Variants in BRD4 observed in about 807,000 individuals in gnomAD.
BRD4 encodes the protein bromodomain-containing protein 4.
In BRD4, 16 loss-of-function variants were observed where a neutral mutation model predicts 142.1. That is an observed-to-expected ratio of 0.11 (90% CI 0.08 to 0.17). The LOEUF (loss-of-function observed/expected upper bound fraction) is 0.17, where lower values mean the gene tolerates loss of function less well. BRD4 is among the 10% of genes least tolerant of loss of function. BRD4 has a pLI of 1.00. For missense variants in BRD4, 1,424 were observed against 1,810.9 expected (o/e 0.79, Z 3.88); for synonymous variants, 833 against 707.5 (o/e 1.18, Z -2.82).
chr19:15,246,191 G>C (rs2047284508), intron 11 of BRD4, among the ~76,000 whole-genome samples: 1 of 152,240 alleles, frequency 6.6e-6, no homozygotes, highest in Non-Finnish European at 1.5e-5. Flanking sequence ...TCTGATGAGA[G>C]AGATACTGTT....
intron 1 of BRD4, among the ~76,000 whole-genome samples, chr19:15,288,656 A>G (rs1467958689): frequency 6.6e-6 from 1 of 152,236 alleles, no homozygotes; most frequent in Non-Finnish European, 1.5e-5. Context: ...AGCTGGTGCT[A>G]CACAGGCTGG....
chr19:15,260,921 G>T (rs753973465), intron 7 of BRD4, among the ~76,000 whole-genome samples: 2 of 152,026 alleles, frequency 1.3e-5, no homozygotes, highest in Non-Finnish European at 1.5e-5. Flanking sequence ...AGGAAGGAAG[G>T]GCTAGAACAC....
At chr19:15,253,847 C>A in intron 11 of BRD4, 1 of 1,363,248 alleles carries the variant, frequency 7.3e-7, no homozygotes, top group Non-Finnish European at 1.0e-6. Flanking sequence ...GTCCTCATGG[C>A]CCAGCTTCCC....
At chr19:15,274,202 C>G (rs1001541926) in intron 1 of BRD4, among the ~76,000 whole-genome samples, 7 of 152,198 alleles carry the variant, frequency 4.6e-5, no homozygotes, top group African/African-American at 1.7e-4. Flanking sequence ...AGATAGATTA[C>G]AGGACACACC....
At chr19:15,294,847 A>T (rs1301739090) in intron 1 of BRD4, among the ~76,000 whole-genome samples, 4 of 152,212 alleles carry the variant, frequency 2.6e-5, no homozygotes, top group Non-Finnish European at 5.9e-5. Flanking sequence ...GCAGTGAAGT[A>T]GCAGGCAGTC....
At chr19:15,329,962 T>C (rs1051408436) in intron 1 of BRD4, among the ~76,000 whole-genome samples, 1 of 152,240 alleles carries the variant, frequency 6.6e-6, no homozygotes, top group Non-Finnish European at 1.5e-5. Flanking sequence ...GAAATGTTAC[T>C]AAGTGGCCAA....
At chr19:15,329,207 A>G (rs891503241) in intron 1 of BRD4, among the ~76,000 whole-genome samples, 1 of 152,054 alleles carries the variant, frequency 6.6e-6, no homozygotes, top group Non-Finnish European at 1.5e-5. Context: ...TTTTCTAGAC[A>G]CCAAAAATCA....
intron 14 of BRD4, among the ~76,000 whole-genome samples, chr19:15,242,061 G>A (rs1214085444): frequency 6.6e-6 from 1 of 152,140 alleles, no homozygotes; most frequent in Non-Finnish European, 1.5e-5. Flanking sequence ...TGATCCACCT[G>A]CCTTGGCCTC....
At chr19:15,263,230 CTGCTT>C (rs1305086813) in intron 7 of BRD4, among the ~76,000 whole-genome samples, 185 bp downstream of exon 7, 1 of 152,222 alleles carries the variant, frequency 6.6e-6, no homozygotes, top group Non-Finnish European at 1.5e-5. Context: ...AACACCCACT[CTGCTT>C]TAATTGAATA....
chr19:15,319,322 G>A (rs903491957), intron 1 of BRD4, among the ~76,000 whole-genome samples: 2 of 152,112 alleles, frequency 1.3e-5, no homozygotes, highest in African/African-American at 4.8e-5. Context: ...AAAATTAGCT[G>A]GGCATGGTGG....
chr19:15,257,461 C>T, intron 7 of BRD4: 2 of 480,848 alleles, frequency 4.2e-6, no homozygotes, highest in South Asian at 3.0e-5. Flanking sequence ...ACATGAGACC[C>T]AGGCCACTAA....
intron 1 of BRD4, among the ~76,000 whole-genome samples, chr19:15,315,064 T>C (rs1458842900): frequency 6.6e-6 from 1 of 152,186 alleles, no homozygotes; most frequent in Non-Finnish European, 1.5e-5. Flanking sequence ...TCATCTATTC[T>C]ATTTTGATTG....
intron 1 of BRD4, among the ~76,000 whole-genome samples, chr19:15,314,940 C>T (rs954105012): frequency 3.9e-5 from 6 of 152,150 alleles, no homozygotes; most frequent in Non-Finnish European, 8.8e-5. Flanking sequence ...ATCAAATGAA[C>T]GGAATGAGGC....
In BRD4 at chr19:15,254,188, C is replaced by T; in HGVS notation, c.2122G>A (p.Glu708Lys). 6.2e-7 allele frequency: 1 copy of T among 1,614,240 alleles called. No homozygotes were observed. Among genetic ancestry groups the T allele is most frequent in the South Asian group, 1.1e-5 (1 of 91,090 alleles). The change falls in exon 11 of 20, where the codon GAG (glutamate) becomes AAG (lysine). Residue 708 changes from glutamate to lysine, a missense_variant. Transcript: ENST00000679869. ...FSSSESESSS[E>K]SSSSDSEDSE... is the part of the protein sequence containing the mutation. ...TCTTCGCTGTCAGAGGAGCTGGACT[C>T]ACTGGAGCTCTCCGACTCTGAGGAC...
chr19:15,245,829 G>A (rs999954458), intron 11 of BRD4, among the ~76,000 whole-genome samples: 6 of 152,162 alleles, frequency 3.9e-5, no homozygotes, highest in Admixed American at 2.0e-4. Flanking sequence ...GCCTGGCTTC[G>A]CCTGAGCTCC....
intron 1 of BRD4, among the ~76,000 whole-genome samples, chr19:15,289,569 A>AAATG (rs2047765470): frequency 6.6e-6 from 1 of 152,018 alleles, no homozygotes; most frequent in South Asian, 2.1e-4. Context: ...ATAAATAAAT[A>AAATG]AATAAAATAA....
chr19:15,327,918 TG>T (rs71176403), intron 1 of BRD4, among the ~76,000 whole-genome samples: 1,814 of 17,794 alleles, frequency 0.1, 21 homozygotes, highest in African/African-American at 0.27. Context: ...GGATTTCTTT[TG>T]GGGGGGGGGG....
rs768246307 is a variant in BRD4 at position 15,244,334 on chromosome 19, G to T, written c.2478C>A (p.Pro826=). 5 of 1,601,028 alleles carry T rather than the reference G, an allele frequency of 3.1e-6. No homozygotes were observed. The highest frequency in any genetic ancestry group is 4.3e-6 in the Non-Finnish European group (5 of 1,176,048). ...VFDPIGHFTQ[P]ILHLPQPELP... ...GCTCAGGCTGCGGCAGGTGCAGGAT[G>T]GGCTGGGTGAAGTGGCCGATGGGGT... The change falls in exon 13 of 20, where the codon CCC becomes CCA. Residue 826 remains proline (P), a synonymous_variant. Transcript: ENST00000679869.
In BRD4 at chr19:15,264,695, G is replaced by A. The variant is rs1290404695; in HGVS notation, c.921C>T (p.Pro307=). 1 of 1,613,216 alleles carries A rather than the reference G, an allele frequency of 6.2e-7. No individual in the cohort carries two copies. Among genetic ancestry groups the A allele is most frequent in the African/African-American group, 1.3e-5 (1 of 74,902 alleles). ...TGGTCTTGGGCTCCGGGGGCAGCGAGGGTGGCTCGTGAATGGGGTCAATGG... is the reference window on the plus strand; with the variant it reads ...TGGTCTTGGGCTCCGGGGGCAGCGAAGGTGGCTCGTGAATGGGGTCAATGG... The part of the protein sequence containing the change: ...PTTIDPIHEP[P]SLPPEPKTTK... Residue 307 remains proline (P), a synonymous_variant, in exon 6 of 20, where the codon CCC becomes CCT. Transcript: ENST00000679869.
Sources: allele counts gnomAD v4.1 joint callset (sites outside exome capture counted in the v4.1 genomes callset), GRCh38; gene constraint gnomAD v4.1.1; transcripts MANE v1.5; gene names NCBI Gene and HGNC (gene_info 2026-07-23, HGNC 2026-07-21).